Variants in RICTOR observed in about 807,000 individuals in gnomAD.
The protein encoded by RICTOR is RPTOR independent companion of MTOR complex 2, also known as rapamycin-insensitive companion of mTOR.
Under a neutral mutation model 214.9 loss-of-function variants are expected in RICTOR, and 49 were observed. The observed-to-expected ratio is 0.23, with a 90% CI of 0.18 to 0.29. RICTOR has a LOEUF of 0.29. RICTOR is among the 10% of genes least tolerant of loss of function. The pLI, the probability that RICTOR is intolerant of heterozygous loss-of-function variation, is 1.00. For synonymous variants in RICTOR, 717 were observed against 711.3 expected, an observed-to-expected ratio of 1.01 and a Z score of -0.13; for missense variants, 1,625 against 2,047.0, an observed-to-expected ratio of 0.79 and a Z score of 3.98.
intron 2 of RICTOR, among the ~76,000 whole-genome samples, chr5:39,063,001 G>A (rs550310396): frequency 6.6e-6 from 1 of 152,072 alleles, no homozygotes; most frequent in African/African-American, 2.4e-5. Flanking sequence ...TTTTAGTGTA[G>A]AACAAAATAA....
At chr5:39,054,031 G>C (rs2150192808) in intron 2 of RICTOR, among the ~76,000 whole-genome samples, 1 of 152,146 alleles carries the variant, frequency 6.6e-6, no homozygotes, top group East Asian at 1.9e-4. Flanking sequence ...GCAGTGAGTG[G>C]AGATCGAGCC....
At chr5:39,029,002 T>C (rs1756071791) in intron 2 of RICTOR, among the ~76,000 whole-genome samples, 1 of 152,182 alleles carries the variant, frequency 6.6e-6, no homozygotes, top group Non-Finnish European at 1.5e-5. Context: ...CAAGAGTATA[T>C]ATTGTATCAT....
chr5:38,965,945 A>T (rs1750178309), intron 15 of RICTOR, among the ~76,000 whole-genome samples: 1 of 152,226 alleles, frequency 6.6e-6, no homozygotes, highest in East Asian at 1.9e-4. Flanking sequence ...TTTATTTTGT[A>T]TTTACTAACT....
chr5:38,962,384 A>C, intron 18 of RICTOR, 23 bp from the exon 19 acceptor site: 1 of 1,244,486 alleles, frequency 8.0e-7, no homozygotes, highest in Non-Finnish European at 1.2e-6. Flanking sequence ...AATATGTTAT[A>C]TTACATATGT....
chr5:39,037,793 C>T (rs942021030), intron 2 of RICTOR, among the ~76,000 whole-genome samples: 3 of 152,164 alleles, frequency 2.0e-5, no homozygotes, highest in Non-Finnish European at 2.9e-5. Flanking sequence ...CTGAATACAC[C>T]AATAACAGGC....
Position 38,952,259 on chromosome 5 carries a change from G to A in RICTOR, c.3064C>T (p.Leu1022=), listed in dbSNP as rs764417396. 1 of 1,612,820 alleles carries A rather than the reference G, an allele frequency of 6.2e-7. No homozygotes were observed. The highest frequency in any genetic ancestry group is 8.5e-7 in the Non-Finnish European group (1 of 1,179,232). ...CNELSSIPST[L]SLNSESTSSR... ...CTGGTTGACTCCGAGTTCAAACTTAGAGTGCTTGGGATAGATGAAAGTTCA... is the reference window on the plus strand; with the variant it reads ...CTGGTTGACTCCGAGTTCAAACTTAAAGTGCTTGGGATAGATGAAAGTTCA... The change falls in exon 30 of 38, where the codon CTA becomes TTA. Residue 1022 remains leucine (L), a synonymous_variant. Transcript: ENST00000357387.
rs1337296739 is a variant in RICTOR, at chr5:38,990,835, G to GAT, written c.583+112_583+113dup. ...GATATATGAGATATATGATATATGA[G>GAT]ATATATGAGATATATGATATATATA... On this transcript the variant is annotated intron_variant, in intron 7 of 37. Coordinates refer to ENST00000357387, the MANE Select transcript of RICTOR (RefSeq NM_152756.5). 59 of 198,342 alleles carry GAT rather than the reference G, an allele frequency of 3.0e-4. No homozygotes were observed. The African/African-American group carries it at 4.6e-3, about 15-fold the overall frequency. 12.3% of individuals were successfully genotyped at this position (198,342 alleles called of 1,614,324 possible).
intron 15 of RICTOR, 145 bp downstream of exon 15, chr5:38,966,496 G>T: frequency 1.6e-6 from 1 of 611,104 alleles, no homozygotes; most frequent in Non-Finnish European, 2.9e-6. Context: ...CAGTACCAAG[G>T]GCTTTTTCTA....
chr5:38,994,527 T>C (rs895521416), intron 6 of RICTOR, among the ~76,000 whole-genome samples: 10 of 147,570 alleles, frequency 6.8e-5, no homozygotes, highest in African/African-American at 2.3e-4. Flanking sequence ...GTTCAGCAAA[T>C]GTGCTCTCAC....
intron 2 of RICTOR, among the ~76,000 whole-genome samples, chr5:39,038,353 A>G (rs1756892842): frequency 6.6e-6 from 1 of 152,206 alleles, no homozygotes; most frequent in Non-Finnish European, 1.5e-5. Flanking sequence ...ACAAACCCAC[A>G]GCCAATATCA....
rs550226722 is a variant in RICTOR at position 39,033,429 on chromosome 5, A to G, written c.98-12293T>C. Reference sequence around the variant, plus strand: ...CAGGTGTGTGCCACCACGCCTGGCTAATTTTTGTATTTTTAGTAAAGACAG... The same window carrying G: ...CAGGTGTGTGCCACCACGCCTGGCTGATTTTTGTATTTTTAGTAAAGACAG... On this transcript the variant is annotated intron_variant, in intron 2 of 37. Coordinates refer to ENST00000357387, the MANE Select transcript of RICTOR (RefSeq NM_152756.5). Among the ~76,000 whole-genome samples, 727 of 151,978 alleles carry G rather than the reference A, an allele frequency of 4.8e-3. 4 individuals carry two copies. Among genetic ancestry groups the G allele is most frequent in the African/African-American group, 0.016 (683 of 41,432 alleles).
At chr5:38,956,693 C>T (rs569006815) in intron 25 of RICTOR, among the ~76,000 whole-genome samples, 15 of 152,008 alleles carry the variant, frequency 9.9e-5, no homozygotes, top group Admixed American at 5.9e-4. Flanking sequence ...TGTTATAGCT[C>T]TTATATTTTA....
At chr5:39,030,287 C>T (rs1449607709) in intron 2 of RICTOR, among the ~76,000 whole-genome samples, 2 of 151,934 alleles carry the variant, frequency 1.3e-5, no homozygotes, top group Admixed American at 1.3e-4. Flanking sequence ...TTCAGTCATG[C>T]AAGAGTAGTA....
intron 7 of RICTOR, among the ~76,000 whole-genome samples, chr5:38,990,624 G>GAT (rs529150478): frequency 2.6e-5 from 2 of 77,432 alleles, no homozygotes; most frequent in South Asian, 3.9e-4. Flanking sequence ...TACGATATAT[G>GAT]ATATATATAT....
In RICTOR at chr5:39,011,872, G is replaced by T. The variant is rs558092074; in HGVS notation, c.196-8250C>A. Among the ~76,000 whole-genome samples, 5 of 152,274 alleles carry T rather than the reference G, an allele frequency of 3.3e-5. No homozygotes were observed. In the East Asian group the frequency reaches 7.7e-4, roughly 24 times the overall value. Reference sequence around the variant, plus strand: ...ATTTTACAGGCTCATAGGCGGAAGGGACTTGCCTTGTCTCCAATGAAACTT... The same window carrying T: ...ATTTTACAGGCTCATAGGCGGAAGGTACTTGCCTTGTCTCCAATGAAACTT... On this transcript the variant is annotated intron_variant, in intron 3 of 37. Coordinates refer to ENST00000357387, the MANE Select transcript of RICTOR (RefSeq NM_152756.5).
At chr5:38,995,431 G>C (rs1261972776) in intron 6 of RICTOR, among the ~76,000 whole-genome samples, 2 of 151,972 alleles carry the variant, frequency 1.3e-5, no homozygotes, top group African/African-American at 2.4e-5. Context: ...TTTGGGAGGA[G>C]GTGAGGGATA....
At position 38,941,981 on chromosome 5, in the gene RICTOR, G is replaced by T; in HGVS notation, c.*323C>A. ...CTGCATATCCCATTATTGTTCCACT[G>T]TCATTATGCTTTTAAAATGAAAGAA... On this transcript the variant is annotated 3_prime_UTR_variant, in exon 38 of 38. Transcript: ENST00000357387. 1 of 256,082 alleles carries T rather than the reference G, an allele frequency of 3.9e-6. No homozygotes were observed. The allele number at this position is 256,082 out of a possible 1,614,324, so 15.9% of individuals were successfully genotyped here.
intron 32 of RICTOR, among the ~76,000 whole-genome samples, chr5:38,946,760 TTA>T (rs1270535605): frequency 4.6e-5 from 7 of 152,188 alleles, no homozygotes; most frequent in Admixed American, 3.9e-4. Context: ...TGGACATTAA[TTA>T]TTTTAGCGTT....
intron 2 of RICTOR, among the ~76,000 whole-genome samples, chr5:39,070,414 A>G (rs976207903): frequency 2.6e-4 from 40 of 152,048 alleles, no homozygotes; most frequent in Non-Finnish European, 3.1e-4. Context: ...GCTTGCAGTG[A>G]GCCGAGATTG....
Sources: allele counts gnomAD v4.1 joint callset (sites outside exome capture counted in the v4.1 genomes callset), GRCh38; gene constraint gnomAD v4.1.1; transcripts MANE v1.5; gene names NCBI Gene and HGNC (gene_info 2026-07-23, HGNC 2026-07-21).